Variants in MAP2K1 observed in about 807,000 individuals in gnomAD.
MAP2K1 encodes dual specificity mitogen-activated protein kinase kinase 1.
Under a neutral mutation model 46.3 loss-of-function variants are expected in MAP2K1, and 16 were observed. That is an observed-to-expected ratio of 0.35 (90% CI 0.23 to 0.52). The LOEUF (loss-of-function observed/expected upper bound fraction) is 0.52. MAP2K1 is among the 20% of genes least tolerant of loss of function. The probability of loss-of-function intolerance (pLI) is 0.94; values close to 1 mark genes in which losing one functional copy is unlikely to be tolerated. For missense variants in MAP2K1, 263 were observed against 497.1 expected (o/e 0.53, Z 4.48); for synonymous variants, 183 against 185.6 (o/e 0.99, Z 0.11).
intron 4 of MAP2K1, 117 bp downstream of exon 4, chr15:66,443,474 TG>T: frequency 1.4e-6 from 1 of 718,074 alleles, no homozygotes; most frequent in South Asian, 1.5e-5. Flanking sequence ...ATAAGAAAAG[TG>T]GTATTTTCTC....
chr15:66,474,029 A>T (rs1008511439), intron 5 of MAP2K1, among the ~76,000 whole-genome samples: 1 of 152,158 alleles, frequency 6.6e-6, no homozygotes, highest in African/African-American at 2.4e-5. Context: ...ATGAAAAGCA[A>T]ATCCTAAGCT....
At chr15:66,395,657 A>C (rs926758086) in intron 1 of MAP2K1, among the ~76,000 whole-genome samples, 2 of 147,716 alleles carry the variant, frequency 1.4e-5, no homozygotes, top group Non-Finnish European at 1.5e-5. Flanking sequence ...GCTCACTGCA[A>C]CCTCTGCCCA....
At chr15:66,439,495 G>A (rs2140590280) in intron 3 of MAP2K1, among the ~76,000 whole-genome samples, 1 of 152,262 alleles carries the variant, frequency 6.6e-6, no homozygotes, top group South Asian at 2.1e-4. Flanking sequence ...GGCCAGACAC[G>A]GTAGCTCACA....
intron 1 of MAP2K1, among the ~76,000 whole-genome samples, chr15:66,419,323 C>T (rs1354219791): frequency 6.6e-6 from 1 of 151,894 alleles, no homozygotes; most frequent in Non-Finnish European, 1.5e-5. Flanking sequence ...GATTCAAGAC[C>T]AGCCTGGCCA....
intron 1 of MAP2K1, among the ~76,000 whole-genome samples, chr15:66,421,118 A>G (rs1466958444): frequency 3.5e-5 from 3 of 85,818 alleles, no homozygotes; most frequent in East Asian, 4.4e-4. Flanking sequence ...ACACACACAC[A>G]CACACACATA....
chr15:66,392,255 G>GTTTT lies in MAP2K1; in HGVS notation c.80+4849_80+4852dup, dbSNP rs58831070. On this transcript the variant is annotated intron_variant, in intron 1 of 10. Transcript: ENST00000307102. ...ACGAATATTTGTGTGTTTTTTTTGG[G>GTTTT]TTTTTTTTTTTTTTTTTTTTTTTTA... Among the ~76,000 whole-genome samples the GTTTT allele has an allele frequency of 4.8e-4, 47 of 97,700 alleles. 1 individual carries two copies. The highest frequency in any genetic ancestry group is 1.0e-3 in the African/African-American group (23 of 22,020). 64.1% of individuals were successfully genotyped at this position (97,700 alleles called of 152,430 possible).
intron 5 of MAP2K1, 119 bp from the exon 6 acceptor site, chr15:66,481,636 C>G: frequency 8.7e-7 from 1 of 1,155,064 alleles, no homozygotes; most frequent in East Asian, 2.4e-5. Context: ...CCTCTGATGG[C>G]GGACGGGGGT....
chr15:66,399,448 A>G (rs1285688840), intron 1 of MAP2K1, among the ~76,000 whole-genome samples: 1 of 145,624 alleles, frequency 6.9e-6, no homozygotes, highest in African/African-American at 2.5e-5. Flanking sequence ...CTCCCCTCCC[A>G]CCCCCTCTTT....
chr15:66,470,091 C>CTTTTTTTTTTTTTT (rs1567021186), intron 5 of MAP2K1, among the ~76,000 whole-genome samples: 1 of 55,734 alleles, frequency 1.8e-5, no homozygotes. Flanking sequence ...ACTTTTTTTT[C>CTTTTTTTTTTTTTT]TTGTTTTTTT....
chr15:66,406,524 G>A (rs1238683343), intron 1 of MAP2K1, among the ~76,000 whole-genome samples: 1 of 152,068 alleles, frequency 6.6e-6, no homozygotes, highest in African/African-American at 2.4e-5. Flanking sequence ...GTTTGATTTC[G>A]GTATAACTAA....
intron 1 of MAP2K1, among the ~76,000 whole-genome samples, chr15:66,392,254 G>GTTTT (rs374203054): frequency 0.22 from 17,109 of 78,892 alleles, 2,848 homozygotes; most frequent in South Asian, 0.37. Context: ...GTTTTTTTTG[G>GTTTT]GTTTTTTTTT....
chr15:66,413,782 A>G (rs1429998436), intron 1 of MAP2K1, among the ~76,000 whole-genome samples: 2 of 152,286 alleles, frequency 1.3e-5, no homozygotes, highest in East Asian at 1.9e-4. Flanking sequence ...AGCACAGGCT[A>G]TGGGAACTCA....
At chr15:66,412,495 G>A (rs1402775336) in intron 1 of MAP2K1, among the ~76,000 whole-genome samples, 2 of 152,270 alleles carry the variant, frequency 1.3e-5, no homozygotes, top group Non-Finnish European at 2.9e-5. Context: ...CTGCATTTGT[G>A]TAGCTCTTGA....
chr15:66,440,493 G>A (rs951947639), intron 3 of MAP2K1, among the ~76,000 whole-genome samples: 2 of 152,308 alleles, frequency 1.3e-5, no homozygotes, highest in South Asian at 2.1e-4. Flanking sequence ...AATAAGCTCT[G>A]TGTGCACTGC....
intron 1 of MAP2K1, among the ~76,000 whole-genome samples, chr15:66,402,568 T>A (rs1325056746): frequency 6.6e-6 from 1 of 152,242 alleles, no homozygotes; most frequent in African/African-American, 2.4e-5. Flanking sequence ...CATGTGTTCC[T>A]CTTTCTCATT....
intron 1 of MAP2K1, among the ~76,000 whole-genome samples, chr15:66,397,813 G>A (rs1464593410): frequency 6.6e-6 from 1 of 152,076 alleles, no homozygotes. Context: ...CTCTTAAAAA[G>A]TCAGTATAGG....
At chr15:66,431,346 A>G (rs555728128) in intron 1 of MAP2K1, among the ~76,000 whole-genome samples, 9 of 152,340 alleles carry the variant, frequency 5.9e-5, no homozygotes, top group Non-Finnish European at 1.2e-4. Flanking sequence ...AGAGGAAGAA[A>G]TACTGAATAC....
At chr15:66,413,811 C>T (rs2093417403) in intron 1 of MAP2K1, among the ~76,000 whole-genome samples, 1 of 151,998 alleles carries the variant, frequency 6.6e-6, no homozygotes, top group Non-Finnish European at 1.5e-5. Context: ...GTGACTAACG[C>T]TGTCTTGAGG....
At chr15:66,487,115 GTTTA>G in intron 7 of MAP2K1, 109 bp from the exon 8 acceptor site, 2 of 859,016 alleles carry the variant, frequency 2.3e-6, no homozygotes, top group Non-Finnish European at 3.9e-6. Flanking sequence ...GCTGTTTAAT[GTTTA>G]TTGTCCATGA....
Sources: allele counts gnomAD v4.1 joint callset (sites outside exome capture counted in the v4.1 genomes callset), GRCh38; gene constraint gnomAD v4.1.1; transcripts MANE v1.5; gene names NCBI Gene and HGNC (gene_info 2026-07-23, HGNC 2026-07-21).